SOSTDC1: variants seen among roughly 807,000 people sequenced by gnomAD.
SOSTDC1 encodes sclerostin domain containing 1.
Under a neutral mutation model 15.1 loss-of-function variants are expected in SOSTDC1, and 7 were observed. That is an observed-to-expected ratio of 0.46 (90% CI 0.26 to 0.87). The LOEUF is 0.87. Among genes scored for constraint, SOSTDC1 ranks in the 40% least tolerant of loss-of-function variants. The pLI is 0.15. For missense variants in SOSTDC1, 242 were observed against 259.2 expected (o/e 0.93, Z 0.46); for synonymous variants, 94 against 93.2 (o/e 1.01, Z -0.05).
chr7:16,464,652 TTC>T (rs72323066), intron 1 of SOSTDC1, among the ~76,000 whole-genome samples: 40,380 of 149,630 alleles, frequency 0.27, 5,444 homozygotes, highest in African/African-American at 0.32. Context: ...TGCGCAGTGT[TTC>T]TCTCTCTCTC....
At position 16,465,589 on chromosome 7, in the gene SOSTDC1, T is replaced by C; in HGVS notation, c.80A>G (p.Asp27Gly). ...LMKSCLAFKNDATEILYSHVV... is the reference protein window; with the variant it reads ...LMKSCLAFKNGATEILYSHVV... ...ATGTGAATAAAGGATTTCTGTGGCA[T>C]CATTTTTAAAAGCCAAACAGCTTTT... Residue 27 changes from aspartate (D) to glycine (G), a missense_variant, in exon 1 of 2, where the codon GAT becomes GGT. Coordinates refer to ENST00000307068, the MANE Select transcript of SOSTDC1 (RefSeq NM_015464.3). 1 of 1,614,140 alleles carries C rather than the reference T, an allele frequency of 6.2e-7. No homozygotes were observed. Among genetic ancestry groups the C allele is most frequent in the Non-Finnish European group, 8.5e-7 (1 of 1,179,998 alleles).
At position 16,462,719 on chromosome 7, in the gene SOSTDC1, G is replaced by T; in HGVS notation, c.450C>A (p.Gly150=). The change falls in exon 2 of 2, where the codon GGC becomes GGA. Residue 150 remains glycine, a synonymous_variant. Coordinates refer to ENST00000307068, the MANE Select transcript of SOSTDC1 (RefSeq NM_015464.3). ...TQRIQLQCQD[G]STRTYKITVV... ...CTGTGATTTTGTAGGTGCGTGTGCTGCCATCTTGGCACTGCAGCTGGATTC... is the reference window on the plus strand; with the variant it reads ...CTGTGATTTTGTAGGTGCGTGTGCTTCCATCTTGGCACTGCAGCTGGATTC... The T allele has an allele frequency of 6.2e-7, 1 of 1,614,182 alleles. No individual in the cohort carries two copies. Among genetic ancestry groups the T allele is most frequent in the South Asian group, 1.1e-5 (1 of 91,082 alleles).
At position 16,465,563 on chromosome 7, in the gene SOSTDC1, C is replaced by T. The variant is rs2128327576; in HGVS notation, c.106G>A (p.Val36Met). ...GGGTGTGCTGGAACAGGTTTAACCA[C>T]ATGTGAATAAAGGATTTCTGTGGCA... ...NDATEILYSH[V>M]VKPVPAHPSS... is the part of the protein sequence containing the mutation. The change falls in exon 1 of 2, where the codon GTG (valine) becomes ATG (methionine). Residue 36 changes from valine (V) to methionine (M), a missense_variant. Val to Met is a conservative substitution (Grantham distance 21, BLOSUM62 1). Transcript: ENST00000307068. 1.9e-6 allele frequency: 3 copies of T among 1,614,116 alleles called. No individual in the cohort carries two copies. Among genetic ancestry groups the T allele is most frequent in the Non-Finnish European group, 2.5e-6 (3 of 1,180,004 alleles).
intron 1 of SOSTDC1, chr7:16,464,182 C>T (rs1266174304): frequency 1.3e-5 from 9 of 684,042 alleles, no homozygotes; most frequent in African/African-American, 3.5e-5. Context: ...TTAAGGGGAA[C>T]GTGATAGTTG....
intron 1 of SOSTDC1, chr7:16,464,371 C>T (rs1323730161): frequency 7.7e-6 from 12 of 1,550,432 alleles, no homozygotes; most frequent in East Asian, 4.9e-5. Flanking sequence ...AATTTTGTCT[C>T]GTCAAGCTTT....
chr7:16,462,744 C>A lies in SOSTDC1; in HGVS notation c.425G>T (p.Arg142Ile). Reference protein sequence around the residue: ...RCVNDKTRTQRIQLQCQDGST... With the variant: ...RCVNDKTRTQIIQLQCQDGST... ...GCCATCTTGGCACTGCAGCTGGATTCTCTGGGTACGGGTTTTGTCATTGAC... is the reference window on the plus strand; with the variant it reads ...GCCATCTTGGCACTGCAGCTGGATTATCTGGGTACGGGTTTTGTCATTGAC... Residue 142 changes from arginine to isoleucine, a missense_variant, in exon 2 of 2, where the codon AGA (arginine) becomes ATA (isoleucine). Transcript: ENST00000307068. The A allele has an allele frequency of 6.2e-7, 1 of 1,614,156 alleles. No homozygotes were observed. Among genetic ancestry groups the A allele is most frequent in the Non-Finnish European group, 8.5e-7 (1 of 1,180,032 alleles).
chr7:16,461,483 A>G lies in SOSTDC1; in HGVS notation c.*1065T>C, dbSNP rs1435295885. 6.6e-6 allele frequency: 1 copy of G among 152,172 alleles called. No homozygotes were observed. The highest frequency in any genetic ancestry group is 1.5e-5 in the Non-Finnish European group (1 of 68,020). 9.4% of individuals were successfully genotyped at this position (152,172 alleles called of 1,614,324 possible). On this transcript the variant is annotated 3_prime_UTR_variant, in exon 2 of 2. Coordinates refer to ENST00000307068, the MANE Select transcript of SOSTDC1 (RefSeq NM_015464.3). ...TGACTTAGAAAAAAAAATAGCAATTACCCTTATACATTTATTCTACAATTT... is the reference window on the plus strand; with the variant it reads ...TGACTTAGAAAAAAAAATAGCAATTGCCCTTATACATTTATTCTACAATTT...
Position 16,465,470 on chromosome 7 carries a change from G to A in SOSTDC1, c.199C>T (p.Arg67Trp), listed in dbSNP as rs778378406. 1.9e-5 allele frequency: 31 copies of A among 1,612,688 alleles called. 1 individual carries two copies. The highest frequency in any genetic ancestry group is 3.3e-5 in the Admixed American group (2 of 59,992). The stretch of plus-strand genomic sequence containing the variant: ...ACAAGTAAAACACACTTACTGTTCC[G>A]ATCCAGTCCAGTGTTACTGAAATGC... Reference protein sequence around the residue: ...GRHFSNTGLDRNTRVQVGCRE... With the variant: ...GRHFSNTGLDWNTRVQVGCRE... The change falls in exon 1 of 2, where the codon CGG becomes TGG. Residue 67 changes from arginine to tryptophan, a missense_variant. Transcript: ENST00000307068.
At position 16,462,421 on chromosome 7, in the gene SOSTDC1, G is replaced by T; in HGVS notation, c.*127C>A. ...TCCTGATACTTAAGACAGCTTGCTG[G>T]GTTTGATCAAAGCAGAAAGCATATA... On this transcript the variant is annotated 3_prime_UTR_variant, in exon 2 of 2. Transcript: ENST00000307068. 9.8e-7 allele frequency: 1 copy of T among 1,020,334 alleles called. No individual in the cohort carries two copies. The highest frequency in any genetic ancestry group is 1.5e-6 in the Non-Finnish European group (1 of 685,252). 63.2% of individuals were successfully genotyped at this position (1,020,334 alleles called of 1,614,324 possible).
rs1781237585 is a variant in SOSTDC1 at position 16,462,990 on chromosome 7, T to G, written c.206-27A>C. ...TGCAGGAAACAAAAAAGAATGTGCA[T>G]CAGAGAAAAAATGCAAATGAAGACC... On this transcript the variant is annotated intron_variant, in intron 1 of 1. Coordinates refer to ENST00000307068, the MANE Select transcript of SOSTDC1 (RefSeq NM_015464.3). 4 of 1,515,714 alleles carry G rather than the reference T, an allele frequency of 2.6e-6. No homozygotes were observed. In the African/African-American group the frequency reaches 4.2e-5, roughly 16 times the overall value. 93.9% of individuals were successfully genotyped at this position (1,515,714 alleles called of 1,614,324 possible). A position where few individuals can be genotyped will look rare whatever the true frequency, so the allele number is the denominator to read the frequency against.
At position 16,462,500 on chromosome 7, in the gene SOSTDC1, C is replaced by T; in HGVS notation, c.*48G>A. On this transcript the variant is annotated 3_prime_UTR_variant, in exon 2 of 2. Coordinates refer to ENST00000307068, the MANE Select transcript of SOSTDC1 (RefSeq NM_015464.3). Reference sequence around the variant, plus strand: ...GCTTGAGTCTTCCAAGCAATCAAATCTGTAAAGCAGATGGTTACTAGTAAG... The same window carrying T: ...GCTTGAGTCTTCCAAGCAATCAAATTTGTAAAGCAGATGGTTACTAGTAAG... 1 of 1,578,476 alleles carries T rather than the reference C, an allele frequency of 6.3e-7. No homozygotes were observed. The highest frequency in any genetic ancestry group is 1.3e-5 in the African/African-American group (1 of 74,422).
chr7:16,463,065 A>G (rs757848567), intron 1 of SOSTDC1, 102 bp from the exon 2 acceptor site: 41 of 1,183,424 alleles, frequency 3.5e-5, no homozygotes, highest in Non-Finnish European at 4.7e-5. Context: ...ATGATAGCAA[A>G]TTGCCAAATA....
rs1781211723 is a variant in SOSTDC1, at chr7:16,461,584, G to C, written c.*964C>G. ...TTATTTTTGTTAAAAGAAACCAATT[G>C]AATTGAAGGTCAAGACACCTTCTGA... On this transcript the variant is annotated 3_prime_UTR_variant, in exon 2 of 2. Coordinates refer to ENST00000307068, the MANE Select transcript of SOSTDC1 (RefSeq NM_015464.3). 1 of 152,176 alleles carries C rather than the reference G, an allele frequency of 6.6e-6. No individual in the cohort carries two copies. Among genetic ancestry groups the C allele is most frequent in the African/African-American group, 2.4e-5 (1 of 41,420 alleles). The allele number at this position is 152,176 out of a possible 1,614,324, so 9.4% of individuals were successfully genotyped here.
At position 16,465,555 on chromosome 7, in the gene SOSTDC1, T is replaced by C. The variant is rs1249224342; in HGVS notation, c.114A>G (p.Lys38=). 2.5e-6 allele frequency: 4 copies of C among 1,614,126 alleles called. No homozygotes were observed. Among genetic ancestry groups the C allele is most frequent in the Admixed American group, 3.3e-5 (2 of 60,008 alleles). ...ATEILYSHVV[K]PVPAHPSSNS... is the part of the protein sequence containing the mutation. ...TGCTGCTGGGGTGTGCTGGAACAGG[T>C]TTAACCACATGTGAATAAAGGATTT... Residue 38 remains lysine (K), a synonymous_variant, in exon 1 of 2, where the codon AAA becomes AAG. Coordinates refer to ENST00000307068, the MANE Select transcript of SOSTDC1 (RefSeq NM_015464.3).
rs368176876 is a variant in SOSTDC1, at chr7:16,462,987, G to C, written c.206-24C>G. ...AGCTGCAGGAAACAAAAAAGAATGTGCATCAGAGAAAAAATGCAAATGAAG... is the reference window on the plus strand; with the variant it reads ...AGCTGCAGGAAACAAAAAAGAATGTCCATCAGAGAAAAAATGCAAATGAAG... On this transcript the variant is annotated intron_variant, in intron 1 of 1. Transcript: ENST00000307068. The C allele has an allele frequency of 3.2e-5, 49 of 1,514,778 alleles. No homozygotes were observed. The African/African-American group carries it at 5.2e-4, about 16-fold the overall frequency. The allele number at this position is 1,514,778 out of a possible 1,614,324, so 93.8% of individuals were successfully genotyped here.
At position 16,465,449 on chromosome 7, in the gene SOSTDC1, G is replaced by A. The variant is rs1291903126; in HGVS notation, c.205+15C>T. ...GAAAAGAAAAAAAAAAACTGTACAA[G>A]TAAAACACACTTACTGTTCCGATCC... is the stretch of plus-strand genomic sequence containing the variant. On this transcript the variant is annotated intron_variant, in intron 1 of 1. Coordinates refer to ENST00000307068, the MANE Select transcript of SOSTDC1 (RefSeq NM_015464.3). The A allele has an allele frequency of 6.2e-7, 1 of 1,607,032 alleles. No homozygotes were observed. The highest frequency in any genetic ancestry group is 8.5e-7 in the Non-Finnish European group (1 of 1,174,150).
Position 16,462,429 on chromosome 7 carries a change from C to G in SOSTDC1, c.*119G>C. On this transcript the variant is annotated 3_prime_UTR_variant, in exon 2 of 2. Coordinates refer to ENST00000307068, the MANE Select transcript of SOSTDC1 (RefSeq NM_015464.3). ...CTTAAGACAGCTTGCTGGGTTTGAT[C>G]AAAGCAGAAAGCATATACTTTCAAG... is the stretch of plus-strand genomic sequence containing the variant. 1 of 1,119,358 alleles carries G rather than the reference C, an allele frequency of 8.9e-7. No homozygotes were observed. The highest frequency in any genetic ancestry group is 1.3e-6 in the Non-Finnish European group (1 of 771,470). 69.3% of individuals were successfully genotyped at this position (1,119,358 alleles called of 1,614,324 possible).
rs1341011464 is a variant in SOSTDC1, at chr7:16,461,744, A to G, written c.*804T>C. 6.6e-6 allele frequency: 1 copy of G among 152,660 alleles called. No individual in the cohort carries two copies. The highest frequency in any genetic ancestry group is 1.5e-5 in the Non-Finnish European group (1 of 68,040). The allele number at this position is 152,660 out of a possible 1,614,324, so 9.5% of individuals were successfully genotyped here. A position where few individuals can be genotyped will look rare whatever the true frequency, so the allele number is the denominator to read the frequency against. On this transcript the variant is annotated 3_prime_UTR_variant, in exon 2 of 2. Coordinates refer to ENST00000307068, the MANE Select transcript of SOSTDC1 (RefSeq NM_015464.3). The stretch of plus-strand genomic sequence containing the variant: ...AAGGAGACTAAAATATTCATTTTAC[A>G]TATCTACAACATGTATTTCATATTT...
rs2128327085 is a variant in SOSTDC1, at chr7:16,461,839, A to C, written c.*709T>G. On this transcript the variant is annotated 3_prime_UTR_variant, in exon 2 of 2. Coordinates refer to ENST00000307068, the MANE Select transcript of SOSTDC1 (RefSeq NM_015464.3). ...AAAGTTTCAAAACATTAAAAAATTA[A>C]AGTTTTGAAACAAATCACATGTGAA... is the stretch of plus-strand genomic sequence containing the variant. 6.5e-6 allele frequency: 1 copy of C among 152,756 alleles called. No homozygotes were observed. Among genetic ancestry groups the C allele is most frequent in the Non-Finnish European group, 1.5e-5 (1 of 68,028 alleles). The allele number at this position is 152,756 out of a possible 1,614,324, so 9.5% of individuals were successfully genotyped here.
Sources: gnomAD v4.1 joint callset for allele counts (sites outside exome capture counted in the v4.1 genomes callset) on GRCh38, gnomAD v4.1.1 for gene constraint, MANE v1.5 for transcripts, NCBI Gene and HGNC (gene_info 2026-07-23, HGNC 2026-07-21) for gene names.